Variants in NEGR1 observed in about 807,000 individuals in gnomAD.
NEGR1 encodes the protein IgLON family member 4.
NEGR1 carries 10 observed loss-of-function variants against 40.9 expected under a neutral mutation model. The ratio of observed to expected loss-of-function variants is 0.24; its 90% CI spans 0.15 to 0.42. NEGR1 has a LOEUF of 0.42. Among genes scored for constraint, NEGR1 ranks in the 10% least tolerant of loss-of-function variants. The probability of loss-of-function intolerance (pLI) is 1.00; values close to 1 mark genes in which losing one functional copy is unlikely to be tolerated. For synonymous variants in NEGR1, 185 were observed against 166.8 expected (o/e 1.11, Z -0.84); for missense variants, 352 against 438.9 (o/e 0.80, Z 1.77).
At chr1:71,941,700 C>A (rs1361535417) in intron 1 of NEGR1, among the ~76,000 whole-genome samples, 1 of 152,024 alleles carries the variant, frequency 6.6e-6, no homozygotes, top group Non-Finnish European at 1.5e-5. Flanking sequence ...GTGAGAACTG[C>A]ACTTCAGCAG....
intron 2 of NEGR1, among the ~76,000 whole-genome samples, chr1:71,903,631 C>T (rs1034856458): frequency 6.6e-6 from 1 of 151,800 alleles, no homozygotes; most frequent in African/African-American, 2.4e-5. Flanking sequence ...AATAAATTTC[C>T]TTTGCATACT....
intron 6 of NEGR1, among the ~76,000 whole-genome samples, chr1:71,525,949 G>T (rs1011649498): frequency 6.6e-6 from 1 of 151,494 alleles, no homozygotes; most frequent in Non-Finnish European, 1.5e-5. Flanking sequence ...GTTACTTTGA[G>T]CCGAGAGTAA....
chr1:72,036,655 CAAAAA>C (rs71723530), intron 1 of NEGR1, among the ~76,000 whole-genome samples: 1 of 107,958 alleles, frequency 9.3e-6, no homozygotes. Flanking sequence ...GACTCCATCT[CAAAAA>C]AAAAAAAAAA....
At chr1:72,012,653 G>A (rs138677910) in intron 1 of NEGR1, among the ~76,000 whole-genome samples, 136 of 152,018 alleles carry the variant, frequency 8.9e-4, no homozygotes, top group East Asian at 4.5e-3. Context: ...GTTTAAGCCA[G>A]ACCCTCTTTT....
intron 6 of NEGR1, among the ~76,000 whole-genome samples, chr1:71,414,707 T>C (rs1266775399): frequency 6.6e-6 from 1 of 152,172 alleles, no homozygotes; most frequent in Admixed American, 6.5e-5. Context: ...TCCTGTACTG[T>C]AGACCCTCTG....
intron 2 of NEGR1, chr1:71,798,185 G>C (rs1410116527): frequency 6.6e-6 from 1 of 151,886 alleles, no homozygotes; most frequent in Non-Finnish European, 1.5e-5. Context: ...CTTTTCAAGA[G>C]TATCACTGAT....
In NEGR1 at chr1:71,701,613, C is replaced by T. The variant is rs899759074; in HGVS notation, c.536-3474G>A. Among the ~76,000 whole-genome samples, 19 of 152,006 alleles carry T rather than the reference C, an allele frequency of 1.2e-4. 1 individual carries two copies. Among genetic ancestry groups the T allele is most frequent in the African/African-American group, 4.3e-4 (18 of 41,404 alleles). Reference sequence around the variant, plus strand: ...AACCTTAATCACATCTGCAAAGTGTCTTTTACCATGTAAGGTAACATGGTC... The same window carrying T: ...AACCTTAATCACATCTGCAAAGTGTTTTTTACCATGTAAGGTAACATGGTC... On this transcript the variant is annotated intron_variant, in intron 3 of 6. Transcript: ENST00000357731.
At chr1:72,247,997 G>A (rs1014347711) in intron 1 of NEGR1, among the ~76,000 whole-genome samples, 6 of 151,992 alleles carry the variant, frequency 3.9e-5, no homozygotes, top group Non-Finnish European at 7.4e-5. Context: ...AAGCAGGAGC[G>A]AGAGTGTGCG....
intron 1 of NEGR1, among the ~76,000 whole-genome samples, chr1:72,253,453 T>A (rs935810657): frequency 1.3e-5 from 2 of 151,998 alleles, no homozygotes; most frequent in African/African-American, 4.8e-5. Flanking sequence ...AAATAATAAA[T>A]CAACACTCAT....
At chr1:72,216,245 T>C (rs1433051830) in intron 1 of NEGR1, among the ~76,000 whole-genome samples, 2 of 151,118 alleles carry the variant, frequency 1.3e-5, no homozygotes, top group African/African-American at 4.9e-5. Flanking sequence ...TTAGGACAAA[T>C]ACCTAATGCA....
intron 6 of NEGR1, among the ~76,000 whole-genome samples, chr1:71,574,306 A>G (rs368511727): frequency 9.9e-5 from 15 of 152,278 alleles, no homozygotes; most frequent in Admixed American, 8.5e-4. Context: ...AAAGTTTTAT[A>G]TCTCTGACCC....
intron 1 of NEGR1, among the ~76,000 whole-genome samples, chr1:72,104,510 G>T (rs565823109): frequency 6.6e-6 from 1 of 152,130 alleles, no homozygotes; most frequent in African/African-American, 2.4e-5. Flanking sequence ...GAAGGAATAT[G>T]GTCCTTTGAC....
intron 6 of NEGR1, among the ~76,000 whole-genome samples, chr1:71,454,242 G>T (rs934056331): frequency 1.1e-4 from 16 of 152,158 alleles, no homozygotes; most frequent in Non-Finnish European, 1.9e-4. Context: ...TTGTTTTCAA[G>T]AAATTTTTAC....
chr1:71,714,559 G>A (rs925493389), intron 3 of NEGR1, among the ~76,000 whole-genome samples: 1 of 152,196 alleles, frequency 6.6e-6, no homozygotes, highest in African/African-American at 2.4e-5. Context: ...AACAATGGAG[G>A]TACAGGCATT....
chr1:71,472,088 T>C lies in NEGR1; in HGVS notation c.941-64518A>G, dbSNP rs577973485. ...AGTTTAGTTTTCACTAGAACCAACA[T>C]TTATGGGAAATATACAACTAAACAT... On this transcript the variant is annotated intron_variant, in intron 6 of 6. Transcript: ENST00000357731. 2.0e-5 allele frequency among the ~76,000 whole-genome samples: 3 copies of C among 152,276 alleles called. No homozygotes were observed. The East Asian group carries it at 5.8e-4, about 29-fold the overall frequency.
At chr1:71,859,909 A>C (rs1659894076) in intron 2 of NEGR1, among the ~76,000 whole-genome samples, 1 of 152,012 alleles carries the variant, frequency 6.6e-6, no homozygotes, top group Admixed American at 6.6e-5. Context: ...GCATTAGAGA[A>C]CCTCTCATTG....
chr1:71,896,495 G>A (rs1194112289), intron 2 of NEGR1, among the ~76,000 whole-genome samples: 3 of 152,130 alleles, frequency 2.0e-5, no homozygotes, highest in Non-Finnish European at 4.4e-5. Flanking sequence ...CATTCTGCGT[G>A]TTATTTCACT....
At chr1:71,760,221 C>T (rs1655895581) in intron 3 of NEGR1, among the ~76,000 whole-genome samples, 1 of 152,112 alleles carries the variant, frequency 6.6e-6, no homozygotes, top group Admixed American at 6.5e-5. Flanking sequence ...GGGTAAGCAC[C>T]TTCCTCGAAG....
intron 1 of NEGR1, among the ~76,000 whole-genome samples, chr1:72,213,542 C>T (rs1653687170): frequency 6.6e-6 from 1 of 151,952 alleles, no homozygotes; most frequent in Non-Finnish European, 1.5e-5. Flanking sequence ...GTTAAATAAA[C>T]TTTCTACCAG....
Sources: gnomAD v4.1 joint callset for allele counts (sites outside exome capture counted in the v4.1 genomes callset) on GRCh38, gnomAD v4.1.1 for gene constraint, MANE v1.5 for transcripts, NCBI Gene and HGNC (gene_info 2026-07-23, HGNC 2026-07-21) for gene names.